Variants in KCNQ1 observed in about 807,000 individuals in gnomAD.
KCNQ1 encodes the protein potassium voltage-gated channel subfamily Q member 1.
In KCNQ1, 49 loss-of-function variants were observed where a neutral mutation model predicts 72.4. The observed-to-expected ratio is 0.68, with a 90% CI of 0.54 to 0.86. KCNQ1 has a LOEUF of 0.86. Ranked by LOEUF, KCNQ1 falls within the 40% of genes least tolerant of loss-of-function variation. KCNQ1 has a pLI of 0.00. For synonymous variants in KCNQ1, 450 were observed against 412.6 expected (o/e 1.09, Z -1.10); for missense variants, 790 against 945.1 (o/e 0.84, Z 2.15).
intron 11 of KCNQ1, among the ~76,000 whole-genome samples, chr11:2,721,398 T>G (rs1851200602): frequency 6.6e-6 from 1 of 152,180 alleles, no homozygotes; most frequent in Non-Finnish European, 1.5e-5. Flanking sequence ...AGGCCGCTGT[T>G]CCCAGTCCTA....
intron 11 of KCNQ1, among the ~76,000 whole-genome samples, chr11:2,743,723 C>T (rs1050175622): frequency 5.9e-5 from 9 of 152,224 alleles, no homozygotes; most frequent in African/African-American, 1.7e-4. Flanking sequence ...CTTGATTAGC[C>T]GCCATCTAAG....
Position 2,600,057 on chromosome 11 carries a change from A to T in KCNQ1, c.1393+11203A>T, listed in dbSNP as rs541263729. 2.0e-4 allele frequency among the ~76,000 whole-genome samples: 30 copies of T among 151,872 alleles called. No homozygotes were observed. Among genetic ancestry groups the T allele is most frequent in the African/African-American group, 7.2e-4 (30 of 41,444 alleles). On this transcript the variant is annotated intron_variant, in intron 10 of 15. Transcript: ENST00000155840. This position sits in a 1 kb window ranked among gnomAD's most constrained non-coding sequence, Gnocchi z 5.6. ...TCTTTCCCGGCCGGCATTCCTGCCC[A>T]CCAGTCCTGGCAGAGTGACTTATTG... is the stretch of plus-strand genomic sequence containing the variant.
rs575024876 is a variant in KCNQ1 at position 2,588,462 on chromosome 11, C to A, written c.1252-251C>A. ...TGGCACCATCTTGTACGTTTATCTG[C>A]TTCCTGCTGTCCTGTTAGCGAGGCC... On this transcript the variant is annotated intron_variant, in intron 9 of 15. Coordinates refer to ENST00000155840, the MANE Select transcript of KCNQ1 (RefSeq NM_000218.3). This position sits in a 1 kb window ranked among gnomAD's most constrained non-coding sequence, Gnocchi z 5.6. Among the ~76,000 whole-genome samples, 1 of 152,324 alleles carries A rather than the reference C, an allele frequency of 6.6e-6. No homozygotes were observed. Among genetic ancestry groups the A allele is most frequent in the Admixed American group, 6.5e-5 (1 of 15,306 alleles).
chr11:2,487,817 G>A (rs75421421), intron 1 of KCNQ1, among the ~76,000 whole-genome samples: 30,926 of 151,916 alleles, frequency 0.2, 3,617 homozygotes, highest in African/African-American at 0.32. Context: ...AATAGAAATA[G>A]TTTTACGTCT....
At chr11:2,589,104 C>T (rs1394321502) in intron 10 of KCNQ1, among the ~76,000 whole-genome samples, 5 of 152,182 alleles carry the variant, frequency 3.3e-5, no homozygotes, top group South Asian at 2.1e-4. Context: ...TGGGGTGGGT[C>T]GGCTCCATCC....
chr11:2,656,768 T>C (rs1022908269), intron 10 of KCNQ1: 1 of 398,530 alleles, frequency 2.5e-6, no homozygotes, highest in Non-Finnish European at 4.4e-6. Flanking sequence ...ATTGCTTCTT[T>C]TAAAAAAAAC....
chr11:2,762,871 G>T lies in KCNQ1; in HGVS notation c.1515-5973G>T, dbSNP rs889223088. Among the ~76,000 whole-genome samples the T allele has an allele frequency of 6.6e-6, 1 of 152,092 alleles. No individual in the cohort carries two copies. ...TGGTCCCTGGTGCCAAAAAGGTTGGGGAACCACTGCCCTATTCCGTCAGAC... is the reference window on the plus strand; with the variant it reads ...TGGTCCCTGGTGCCAAAAAGGTTGGTGAACCACTGCCCTATTCCGTCAGAC... On this transcript the variant is annotated intron_variant, in intron 11 of 15. Transcript: ENST00000155840. This position sits in a 1 kb window ranked among gnomAD's most constrained non-coding sequence, Gnocchi z 4.3.
intron 1 of KCNQ1, among the ~76,000 whole-genome samples, chr11:2,448,416 G>C (rs1253015479): frequency 6.6e-6 from 1 of 152,234 alleles, no homozygotes; most frequent in Non-Finnish European, 1.5e-5. Flanking sequence ...GCCAGAAGCA[G>C]GTCCCAGAGG....
rs113098313 is a variant in KCNQ1, at chr11:2,467,627, C to T, written c.386+22143C>T. On this transcript the variant is annotated intron_variant, in intron 1 of 15. Coordinates refer to ENST00000155840, the MANE Select transcript of KCNQ1 (RefSeq NM_000218.3). ...GGGGTTTGGCAAAGGCGTTGGGGTG[C>T]TCTTGTGCTGGACAGGCTGCTGCCC... Among the ~76,000 whole-genome samples, 1,506 of 152,236 alleles carry T rather than the reference C, an allele frequency of 9.9e-3. 22 individuals carry two copies. The highest frequency in any genetic ancestry group is 0.034 in the African/African-American group (1,404 of 41,532).
chr11:2,771,093 G>T (rs1846590635), intron 12 of KCNQ1, among the ~76,000 whole-genome samples: 1 of 152,246 alleles, frequency 6.6e-6, no homozygotes, highest in South Asian at 2.1e-4. Context: ...TGCAGAGCAG[G>T]TCCCAGCAGG....
At chr11:2,469,178 G>C (rs1453557751) in intron 1 of KCNQ1, among the ~76,000 whole-genome samples, 1 of 152,100 alleles carries the variant, frequency 6.6e-6, no homozygotes, top group Non-Finnish European at 1.5e-5. Context: ...CAGCTGCTTA[G>C]TTGTTGTCCA....
At chr11:2,793,261 C>G (rs570389056) in intron 15 of KCNQ1, among the ~76,000 whole-genome samples, 78 of 152,298 alleles carry the variant, frequency 5.1e-4, no homozygotes, top group African/African-American at 1.8e-3. Flanking sequence ...TATCCAATAA[C>G]GGGTGGAAAT....
At chr11:2,804,442 T>C (rs2134030037) in intron 15 of KCNQ1, among the ~76,000 whole-genome samples, 1 of 152,294 alleles carries the variant, frequency 6.6e-6, no homozygotes, top group South Asian at 2.1e-4. Flanking sequence ...CAAGGCTGTA[T>C]TGACGGTGCT....
At position 2,658,967 on chromosome 11, in the gene KCNQ1, TAG is replaced by T. The variant is rs1849901534; in HGVS notation, c.1394-2991_1394-2990del. The T allele has an allele frequency of 1.0e-5, 4 of 398,454 alleles. No individual in the cohort carries two copies. The highest frequency in any genetic ancestry group is 1.3e-4 in the South Asian group (1 of 7,858). The allele number at this position is 398,454 out of a possible 1,614,324, so 24.7% of individuals were successfully genotyped here. ...TTAGGACAGACTTTTGCTTTAACCATAGAGTGTCCAGTCAAAACAGTGTTTTT... is the reference window on the plus strand; with the variant it reads ...TTAGGACAGACTTTTGCTTTAACCATAGTGTCCAGTCAAAACAGTGTTTTT... On this transcript the variant is annotated intron_variant, in intron 10 of 15. Coordinates refer to ENST00000155840, the MANE Select transcript of KCNQ1 (RefSeq NM_000218.3). This position sits in a 1 kb window ranked among gnomAD's most constrained non-coding sequence, Gnocchi z 4.9.
At position 2,692,815 on chromosome 11, in the gene KCNQ1, T is replaced by C. The variant is rs1315621145; in HGVS notation, c.1514+30734T>C. 1.3e-5 allele frequency: 5 copies of C among 398,560 alleles called. No individual in the cohort carries two copies. In the Admixed American group the frequency reaches 1.8e-4, roughly 14 times the overall value. 24.7% of individuals were successfully genotyped at this position (398,560 alleles called of 1,614,324 possible). A position where few individuals can be genotyped will look rare whatever the true frequency, so the allele number is the denominator to read the frequency against. On this transcript the variant is annotated intron_variant, in intron 11 of 15. Transcript: ENST00000155840. The stretch of plus-strand genomic sequence containing the variant: ...TTCTTGAATGACTGCATCCCTAACA[T>C]GAGGCAATGATCATTCCCCTGCCTG...
intron 15 of KCNQ1, among the ~76,000 whole-genome samples, chr11:2,819,821 G>A (rs1299049351): frequency 6.6e-6 from 1 of 152,142 alleles, no homozygotes; most frequent in Non-Finnish European, 1.5e-5. Context: ...TGTTTCTTAG[G>A]ATTTTCTACC....
chr11:2,705,887 G>C (rs1850903447), intron 11 of KCNQ1, among the ~76,000 whole-genome samples: 1 of 152,212 alleles, frequency 6.6e-6, no homozygotes, highest in Non-Finnish European at 1.5e-5. Flanking sequence ...TCCCAGCTCT[G>C]TACTTGTAGA....
At position 2,723,069 on chromosome 11, in the gene KCNQ1, G is replaced by C. The variant is rs1405006331; in HGVS notation, c.1515-45775G>C. On this transcript the variant is annotated intron_variant, in intron 11 of 15. Coordinates refer to ENST00000155840, the MANE Select transcript of KCNQ1 (RefSeq NM_000218.3). This position sits in a 1 kb window ranked among gnomAD's most constrained non-coding sequence, Gnocchi z 4.2. ...CTCCATTCCCGTGCCAGGGTGGTCT[G>C]AGCGGAGAGGACAGGGGGGATCCCA... Among the ~76,000 whole-genome samples the C allele has an allele frequency of 6.6e-6, 1 of 152,234 alleles. No homozygotes were observed. Among genetic ancestry groups the C allele is most frequent in the Non-Finnish European group, 1.5e-5 (1 of 68,038 alleles).
intron 11 of KCNQ1, among the ~76,000 whole-genome samples, chr11:2,740,958 C>A (rs1846040290): frequency 6.6e-6 from 1 of 152,224 alleles, no homozygotes; most frequent in Non-Finnish European, 1.5e-5. Flanking sequence ...TTCCATGCAG[C>A]CTTGATTCCC....
Sources: allele counts gnomAD v4.1 joint callset (sites outside exome capture counted in the v4.1 genomes callset), GRCh38; gene constraint gnomAD v4.1.1; non-coding constraint Gnocchi (gnomAD v3.1); transcripts MANE v1.5; gene names NCBI Gene and HGNC (gene_info 2026-07-23, HGNC 2026-07-21).